MAP2K5: variants seen among roughly 807,000 people sequenced by gnomAD.
MAP2K5 encodes the protein mitogen-activated protein kinase kinase 5, also known as dual specificity mitogen-activated protein kinase kinase 5.
A neutral mutation model predicts 83.1 loss-of-function variants in MAP2K5; 49 were observed. The ratio of observed to expected loss-of-function variants is 0.59; its 90% confidence interval spans 0.47 to 0.75. The LOEUF (loss-of-function observed/expected upper bound fraction) is 0.75, where lower values mean the gene tolerates loss of function less well. MAP2K5 is among the 30% of genes least tolerant of loss of function. MAP2K5 has a pLI of 0.00. For synonymous variants in MAP2K5, 202 were observed against 191.8 expected (o/e 1.05, Z -0.44); for missense variants, 457 against 557.5 (o/e 0.82, Z 1.82).
intron 12 of MAP2K5, among the ~76,000 whole-genome samples, chr15:67,661,852 A>G (rs1261251075): frequency 6.6e-6 from 1 of 152,176 alleles, no homozygotes; most frequent in East Asian, 1.9e-4. Context: ...GATCACCTCC[A>G]TGCTAAATAA....
chr15:67,630,750 T>C, intron 8 of MAP2K5, 138 bp from the exon 9 acceptor site: 1 of 657,000 alleles, frequency 1.5e-6, no homozygotes, highest in African/African-American at 1.8e-5. Flanking sequence ...AAATGTAAAT[T>C]ACTAATGTTG....
rs1308179035 is a variant in MAP2K5 at position 67,750,595 on chromosome 15, C to T, written c.1134+1994C>T. ...AATGCAAATTCCTGAGCCCAGATCG[C>T]TGAATTAGACTTTCTAGGGATCGTG... On this transcript the variant is annotated intron_variant, in intron 19 of 21. Coordinates refer to ENST00000178640, the MANE Select transcript of MAP2K5 (RefSeq NM_145160.3). The surrounding 1 kb of genome is among the most constrained non-coding windows in gnomAD (Gnocchi z 4.2). 6.6e-6 allele frequency among the ~76,000 whole-genome samples: 1 copy of T among 152,176 alleles called. No individual in the cohort carries two copies. The highest frequency in any genetic ancestry group is 2.4e-5 in the African/African-American group (1 of 41,448).
intron 17 of MAP2K5, among the ~76,000 whole-genome samples, chr15:67,735,575 C>G (rs910160074): frequency 3.9e-5 from 6 of 152,226 alleles, no homozygotes; most frequent in Non-Finnish European, 8.8e-5. Flanking sequence ...AACATAAAAC[C>G]AATGGCAGTT....
intron 21 of MAP2K5, among the ~76,000 whole-genome samples, chr15:67,797,070 A>C (rs2090617863): frequency 6.6e-6 from 1 of 152,222 alleles, no homozygotes; most frequent in Non-Finnish European, 1.5e-5. Flanking sequence ...ACCACAATGA[A>C]GAAAGGGAGA....
Position 67,702,602 on chromosome 15 carries a change from G to A in MAP2K5, c.973-735G>A, listed in dbSNP as rs1388111024. Among the ~76,000 whole-genome samples the A allele has an allele frequency of 1.3e-5, 2 of 152,202 alleles. No individual in the cohort carries two copies. Among genetic ancestry groups the A allele is most frequent in the African/African-American group, 4.8e-5 (2 of 41,450 alleles). On this transcript the variant is annotated intron_variant, in intron 15 of 21. Coordinates refer to ENST00000178640, the MANE Select transcript of MAP2K5 (RefSeq NM_145160.3). This position sits in a 1 kb window ranked among gnomAD's most constrained non-coding sequence, Gnocchi z 4.6. ...AAATCCTAGAGGGATAGATAGATCA[G>A]GAAGCATCCACTCAGTATGAAATTA... is the stretch of plus-strand genomic sequence containing the variant.
At position 67,769,781 on chromosome 15, in the gene MAP2K5, G is replaced by C; in HGVS notation, c.1196+118G>C. 1 of 945,748 alleles carries C rather than the reference G, an allele frequency of 1.1e-6. No individual in the cohort carries two copies. The allele number at this position is 945,748 out of a possible 1,614,324, so 58.6% of individuals were successfully genotyped here. ...TCCTTTTGGAGACAGGAGGGACTTCGGGGCCTTGGGCAGATGGGGCAGCAA... is the reference window on the plus strand; with the variant it reads ...TCCTTTTGGAGACAGGAGGGACTTCCGGGCCTTGGGCAGATGGGGCAGCAA... On this transcript the variant is annotated intron_variant, in intron 20 of 21. Coordinates refer to ENST00000178640, the MANE Select transcript of MAP2K5 (RefSeq NM_145160.3). The surrounding 1 kb of genome is among the most constrained non-coding windows in gnomAD (Gnocchi z 5.2).
At chr15:67,583,055 C>T (rs1012798475) in intron 4 of MAP2K5, among the ~76,000 whole-genome samples, 15 of 152,220 alleles carry the variant, frequency 9.9e-5, no homozygotes, top group African/African-American at 2.9e-4. Flanking sequence ...TATTGCTTTA[C>T]GCATCATCAT....
intron 1 of MAP2K5, among the ~76,000 whole-genome samples, chr15:67,545,850 A>G (rs989200243): frequency 6.6e-6 from 1 of 152,214 alleles, no homozygotes; most frequent in Non-Finnish European, 1.5e-5. Flanking sequence ...AACTTAGCAC[A>G]TAGTAAGCGC....
chr15:67,673,909 C>T (rs1349004661), intron 13 of MAP2K5, among the ~76,000 whole-genome samples: 2 of 152,072 alleles, frequency 1.3e-5, no homozygotes, highest in Non-Finnish European at 2.9e-5. Context: ...AGTGCAGTGG[C>T]ACAATCTCGG....
intron 11 of MAP2K5, among the ~76,000 whole-genome samples, chr15:67,655,495 G>A (rs767839954): frequency 8.1e-5 from 12 of 147,864 alleles, no homozygotes; most frequent in Non-Finnish European, 1.0e-4. Flanking sequence ...GCTGGATATA[G>A]AATTTTTGGT....
rs1444723562 is a variant in MAP2K5, at chr15:67,781,086, TC to T, written c.1242+8335del. ...AGATGCATGCCACCCACTCCCCAGC[TC>T]TTGGGAATAATGGATTCAGTTGAAA... On this transcript the variant is annotated intron_variant, in intron 21 of 21. Coordinates refer to ENST00000178640, the MANE Select transcript of MAP2K5 (RefSeq NM_145160.3). This position sits in a 1 kb window ranked among gnomAD's most constrained non-coding sequence, Gnocchi z 4.0. Among the ~76,000 whole-genome samples, 1 of 152,180 alleles carries T rather than the reference TC, an allele frequency of 6.6e-6. No individual in the cohort carries two copies. The highest frequency in any genetic ancestry group is 1.5e-5 in the Non-Finnish European group (1 of 68,030).
At chr15:67,566,607 A>G (rs1213104719) in intron 3 of MAP2K5, among the ~76,000 whole-genome samples, 1 of 152,210 alleles carries the variant, frequency 6.6e-6, no homozygotes, top group Non-Finnish European at 1.5e-5. Flanking sequence ...TTTTTCATTG[A>G]TTACAAAGGT....
chr15:67,629,406 T>TC (rs397815776), intron 8 of MAP2K5, among the ~76,000 whole-genome samples: 1 of 151,564 alleles, frequency 6.6e-6, no homozygotes, highest in East Asian at 1.9e-4. Context: ...TTTTTTTTTT[T>TC]GCACCATGCT....
chr15:67,674,424 T>C (rs2087628067), intron 13 of MAP2K5, among the ~76,000 whole-genome samples: 2 of 152,096 alleles, frequency 1.3e-5, no homozygotes, highest in African/African-American at 4.8e-5. Context: ...ATTAATCACA[T>C]CCAGCGCTAT....
chr15:67,628,127 A>G (rs4261476), intron 8 of MAP2K5: 671,455 of 882,176 alleles, frequency 0.76, 259,540 homozygotes, highest in Non-Finnish European at 0.81. Flanking sequence ...TCTCAAGAGG[A>G]GATTCTCAAA....
rs183582107 is a variant in MAP2K5 at position 67,677,935 on chromosome 15, G to C, written c.847+13290G>C. On this transcript the variant is annotated intron_variant, in intron 13 of 21. Coordinates refer to ENST00000178640, the MANE Select transcript of MAP2K5 (RefSeq NM_145160.3). The surrounding 1 kb of genome is among the most constrained non-coding windows in gnomAD (Gnocchi z 4.2). ...GAGACTCCAGGCAATAACTGCCATTGAGGATGGCTAATTATGCTGTTTAAT... is the reference window on the plus strand; with the variant it reads ...GAGACTCCAGGCAATAACTGCCATTCAGGATGGCTAATTATGCTGTTTAAT... Among the ~76,000 whole-genome samples the C allele has an allele frequency of 6.6e-6, 1 of 152,334 alleles. No homozygotes were observed. Among genetic ancestry groups the C allele is most frequent in the East Asian group, 1.9e-4 (1 of 5,188 alleles).
Position 67,758,270 on chromosome 15 carries a change from C to G in MAP2K5, c.1134+9669C>G, listed in dbSNP as rs767086172. ...GGTATTTAGGAGATGGAGCTAACTG[C>G]ATTTGGTAAATAACTAGATATAAGG... On this transcript the variant is annotated intron_variant, in intron 19 of 21. Transcript: ENST00000178640. This position sits in a 1 kb window ranked among gnomAD's most constrained non-coding sequence, Gnocchi z 4.7. Among the ~76,000 whole-genome samples the G allele has an allele frequency of 3.9e-5, 6 of 152,064 alleles. No homozygotes were observed. The highest frequency in any genetic ancestry group is 8.8e-5 in the Non-Finnish European group (6 of 68,016).
chr15:67,600,667 T>C lies in MAP2K5; in HGVS notation c.481-18T>C. On this transcript the variant is annotated intron_variant, in intron 7 of 21. Transcript: ENST00000178640. ...CACAGCATGACACCCTTTTTGTTTTTCTTTCTTTCTTGTGGAGATGAATGA... is the reference window on the plus strand; with the variant it reads ...CACAGCATGACACCCTTTTTGTTTTCCTTTCTTTCTTGTGGAGATGAATGA... 3 of 1,602,472 alleles carry C rather than the reference T, an allele frequency of 1.9e-6. No individual in the cohort carries two copies. The Admixed American group carries it at 5.2e-5, about 28-fold the overall frequency.
intron 9 of MAP2K5, among the ~76,000 whole-genome samples, chr15:67,632,002 A>G (rs2086484706): frequency 6.6e-6 from 1 of 151,940 alleles, no homozygotes; most frequent in African/African-American, 2.4e-5. Flanking sequence ...CCAATCTGTT[A>G]CTTCCCGTCA....
Sources: allele counts gnomAD v4.1 joint callset (sites outside exome capture counted in the v4.1 genomes callset), GRCh38; gene constraint gnomAD v4.1.1; non-coding constraint Gnocchi (gnomAD v3.1); transcripts MANE v1.5; gene names NCBI Gene and HGNC (gene_info 2026-07-23, HGNC 2026-07-21).